Variants in BCAS3 observed in about 807,000 individuals in gnomAD.
BCAS3 encodes the protein BCAS4/BCAS3 fusion.
Under a neutral mutation model 116.1 loss-of-function variants are expected in BCAS3, and 53 were observed. That is an observed-to-expected ratio of 0.46 (90% CI 0.37 to 0.57). The LOEUF is 0.57. BCAS3 is among the 20% of genes least tolerant of loss of function. The probability of loss-of-function intolerance (pLI) is 0.00; values close to 1 mark genes in which losing one functional copy is unlikely to be tolerated. For synonymous variants in BCAS3, 391 were observed against 408.2 expected, an observed-to-expected ratio of 0.96 and a Z score of 0.51; for missense variants, 917 against 1,165.4, an observed-to-expected ratio of 0.79 and a Z score of 3.10.
chr17:61,072,177 T>G (rs2071494566), intron 19 of BCAS3, among the ~76,000 whole-genome samples: 1 of 152,164 alleles, frequency 6.6e-6, no homozygotes, highest in African/African-American at 2.4e-5. Context: ...TATTACTTCC[T>G]TTGGAAAGTT....
chr17:60,995,390 G>A lies in BCAS3; in HGVS notation c.1486+5155G>A, dbSNP rs953157571. Among the ~76,000 whole-genome samples the A allele has an allele frequency of 5.3e-5, 8 of 151,584 alleles. No individual in the cohort carries two copies. Among genetic ancestry groups the A allele is most frequent in the Non-Finnish European group, 1.2e-4 (8 of 67,894 alleles). On this transcript the variant is annotated intron_variant, in intron 15 of 23. Coordinates refer to ENST00000407086, the MANE Select transcript of BCAS3 (RefSeq NM_017679.5). The surrounding 1 kb of genome is among the most constrained non-coding windows in gnomAD (Gnocchi z 4.7). The stretch of plus-strand genomic sequence containing the variant: ...CTGGTCTTGAACTCCTGACCTCACC[G>A]TGAGTGAGTGATCTGCCCACCGTGG...
chr17:61,005,002 A>G (rs2145491148), intron 15 of BCAS3, among the ~76,000 whole-genome samples: 1 of 152,260 alleles, frequency 6.6e-6, no homozygotes, highest in South Asian at 2.1e-4. Context: ...AAAAAATACC[A>G]TGACAGTACT....
Position 61,337,005 on chromosome 17 carries a change from C to G in BCAS3, c.2426-31322C>G, listed in dbSNP as rs988498778. Among the ~76,000 whole-genome samples, 2 of 151,928 alleles carry G rather than the reference C, an allele frequency of 1.3e-5. No individual in the cohort carries two copies. The highest frequency in any genetic ancestry group is 2.4e-5 in the African/African-American group (1 of 41,372). On this transcript the variant is annotated intron_variant, in intron 22 of 23. Coordinates refer to ENST00000407086, the MANE Select transcript of BCAS3 (RefSeq NM_017679.5). The surrounding 1 kb of genome is among the most constrained non-coding windows in gnomAD (Gnocchi z 4.8). The stretch of plus-strand genomic sequence containing the variant: ...GCACGTGCCTGTAATCCCAGCTACT[C>G]AGGAGGCTGAGGCAGGAGAATCACT...
At position 61,285,383 on chromosome 17, in the gene BCAS3, C is replaced by T. The variant is rs557085313; in HGVS notation, c.2426-82944C>T. 1.1e-4 allele frequency among the ~76,000 whole-genome samples: 16 copies of T among 152,226 alleles called. No individual in the cohort carries two copies. In the East Asian group the frequency reaches 3.1e-3, roughly 29 times the overall value. ...CCAACATAACTTCCAGGTCTGAATACTTTGTTTTCTGCAGATTTTCAACAG... is the reference window on the plus strand; with the variant it reads ...CCAACATAACTTCCAGGTCTGAATATTTTGTTTTCTGCAGATTTTCAACAG... On this transcript the variant is annotated intron_variant, in intron 22 of 23. Coordinates refer to ENST00000407086, the MANE Select transcript of BCAS3 (RefSeq NM_017679.5). The surrounding 1 kb of genome is among the most constrained non-coding windows in gnomAD (Gnocchi z 5.4).
chr17:60,780,977 C>CT (rs1200134373), intron 6 of BCAS3, among the ~76,000 whole-genome samples: 6 of 150,654 alleles, frequency 4.0e-5, no homozygotes, highest in African/African-American at 4.9e-5. Context: ...TTTTTGCCAT[C>CT]TTTTTTTTTG....
intron 22 of BCAS3, among the ~76,000 whole-genome samples, chr17:61,312,112 G>T (rs967460583): frequency 6.6e-6 from 1 of 152,216 alleles, no homozygotes; most frequent in African/African-American, 2.4e-5. Flanking sequence ...GCCCTAGGCC[G>T]TCAGTAAGAG....
At chr17:61,389,771 G>A (rs1465467362) in intron 23 of BCAS3, 1 of 152,362 alleles carries the variant, frequency 6.6e-6, no homozygotes, top group Non-Finnish European at 1.5e-5. Flanking sequence ...CTGCACTGTG[G>A]TGTGATGGGC....
rs1021423967 is a variant in BCAS3, at chr17:60,960,992, A to T, written c.1221+13640A>T. On this transcript the variant is annotated intron_variant, in intron 14 of 23. Transcript: ENST00000407086. The surrounding 1 kb of genome is among the most constrained non-coding windows in gnomAD (Gnocchi z 4.1). ...AGTGGATCCATGAAACACATGCCTG[A>T]TGTCTTCAGCAGAATGTTGTCAAGC... is the stretch of plus-strand genomic sequence containing the variant. 6.6e-6 allele frequency among the ~76,000 whole-genome samples: 1 copy of T among 151,972 alleles called. No individual in the cohort carries two copies. The highest frequency in any genetic ancestry group is 2.4e-5 in the African/African-American group (1 of 41,392).
chr17:60,819,635 T>G (rs897051274), intron 7 of BCAS3, among the ~76,000 whole-genome samples: 2 of 152,198 alleles, frequency 1.3e-5, no homozygotes, highest in Admixed American at 6.5e-5. Context: ...TGGAAACAGA[T>G]AGCATACTCA....
intron 22 of BCAS3, among the ~76,000 whole-genome samples, chr17:61,267,684 TG>T (rs2049859757): frequency 1.4e-5 from 2 of 145,790 alleles, no homozygotes; most frequent in East Asian, 4.2e-4. Flanking sequence ...ATCGTGCCAC[TG>T]CACTCCAGCC....
At chr17:61,071,863 A>T (rs1231011227) in intron 19 of BCAS3, among the ~76,000 whole-genome samples, 1 of 152,164 alleles carries the variant, frequency 6.6e-6, no homozygotes, top group Admixed American at 6.5e-5. Context: ...AATTATTTGG[A>T]TTATAGTTAG....
intron 8 of BCAS3, among the ~76,000 whole-genome samples, chr17:60,873,428 G>A (rs11654838): frequency 0.04 from 6,137 of 152,100 alleles, 187 homozygotes; most frequent in Non-Finnish European, 0.067. Context: ...AGATTTACCA[G>A]CTTCCAATTT....
At chr17:60,966,154 G>C (rs1487088425) in intron 14 of BCAS3, among the ~76,000 whole-genome samples, 1 of 152,064 alleles carries the variant, frequency 6.6e-6, no homozygotes, top group Non-Finnish European at 1.5e-5. Context: ...TTCCTGCTCT[G>C]TTTTGGTTTC....
At chr17:61,195,187 T>C (rs1198692454) in intron 22 of BCAS3, among the ~76,000 whole-genome samples, 1 of 152,254 alleles carries the variant, frequency 6.6e-6, no homozygotes, top group Admixed American at 6.5e-5. Flanking sequence ...CCAATTGTGC[T>C]TATGCCCAGA....
At position 60,861,498 on chromosome 17, in the gene BCAS3, A is replaced by G. The variant is rs2054153556; in HGVS notation, c.477-7078A>G. Among the ~76,000 whole-genome samples the G allele has an allele frequency of 2.6e-5, 4 of 151,996 alleles. 1 individual carries two copies. In the South Asian group the frequency reaches 8.3e-4, roughly 31 times the overall value. ...GCCTTTTATTTCTTTCTCTTTCCTG[A>G]TTGCTCTGGCTGGGACTTCCAGAAC... On this transcript the variant is annotated intron_variant, in intron 7 of 23. Transcript: ENST00000407086.
At chr17:61,119,597 C>T (rs1476193294) in intron 22 of BCAS3, among the ~76,000 whole-genome samples, 1 of 151,980 alleles carries the variant, frequency 6.6e-6, no homozygotes, top group Non-Finnish European at 1.5e-5. Flanking sequence ...ATACTCTTGG[C>T]ATTCCTCCTA....
At chr17:60,880,669 T>A (rs1276153574) in intron 9 of BCAS3, among the ~76,000 whole-genome samples, 2 of 152,244 alleles carry the variant, frequency 1.3e-5, no homozygotes, top group Non-Finnish European at 2.9e-5. Flanking sequence ...AATGCTTGTA[T>A]GGACACTAGT....
At chr17:61,270,564 T>C (rs761457019) in intron 22 of BCAS3, among the ~76,000 whole-genome samples, 4 of 152,182 alleles carry the variant, frequency 2.6e-5, no homozygotes, top group Non-Finnish European at 4.4e-5. Context: ...CACACTGTTG[T>C]CTCCTTTGCG....
At chr17:61,011,489 G>T (rs943008220) in intron 15 of BCAS3, among the ~76,000 whole-genome samples, 2 of 151,998 alleles carry the variant, frequency 1.3e-5, no homozygotes, top group African/African-American at 4.8e-5. Context: ...AGTGAAAGCC[G>T]CAGACTCCAG....
Sources: gnomAD v4.1 joint callset for allele counts (sites outside exome capture counted in the v4.1 genomes callset) on GRCh38, gnomAD v4.1.1 for gene constraint, Gnocchi (gnomAD v3.1) non-coding constraint, MANE v1.5 for transcripts, NCBI Gene and HGNC (gene_info 2026-07-23, HGNC 2026-07-21) for gene names.